SPMAP2L: variants seen among roughly 807,000 people sequenced by gnomAD.
SPMAP2L encodes the protein sperm microtubule associated protein 2 like, also known as sperm microtubule associated protein 2-like.
chr4:56,547,865 G>A, the SPMAP2L span, among the ~76,000 whole-genome samples: 1 of 152,106 alleles, frequency 6.6e-6, no homozygotes, highest in Non-Finnish European at 1.5e-5. Context: ...GCTTATAAAC[G>A]AGATTTTTCA....
the SPMAP2L span, among the ~76,000 whole-genome samples, chr4:56,608,885 G>A: frequency 1.3e-5 from 2 of 152,264 alleles, no homozygotes; most frequent in African/African-American, 2.4e-5. Context: ...GATGGGACAT[G>A]GAGTCAAAGA....
chr4:56,593,502 T>C, the SPMAP2L span: 1 of 1,600,576 alleles, frequency 6.2e-7, no homozygotes. Flanking sequence ...TGGAGAGAGC[T>C]CATCAGAGTG....
the SPMAP2L span, among the ~76,000 whole-genome samples, chr4:56,596,968 G>C: frequency 6.6e-6 from 1 of 152,192 alleles, no homozygotes; most frequent in Non-Finnish European, 1.5e-5. Flanking sequence ...TGAACAACTT[G>C]GAGCTCTATG....
the SPMAP2L span, among the ~76,000 whole-genome samples, chr4:56,610,846 G>T: frequency 6.6e-6 from 1 of 152,154 alleles, no homozygotes; most frequent in East Asian, 1.9e-4. Context: ...TGAAAAAAAT[G>T]CTCGACATCA....
At chr4:56,615,901 C>A in the SPMAP2L span, among the ~76,000 whole-genome samples, 1 of 152,098 alleles carries the variant, frequency 6.6e-6, no homozygotes, top group East Asian at 1.9e-4. Flanking sequence ...CCTAATGTGC[C>A]GCCAAGAACC....
chr4:56,542,843 C>T, the SPMAP2L span, among the ~76,000 whole-genome samples: 1 of 152,074 alleles, frequency 6.6e-6, no homozygotes, highest in African/African-American at 2.4e-5. Flanking sequence ...CACCTTTCAC[C>T]AGATGGTTTC....
the SPMAP2L span, among the ~76,000 whole-genome samples, chr4:56,553,510 T>A: frequency 2.7e-5 from 4 of 149,050 alleles, no homozygotes; most frequent in East Asian, 2.0e-4. Flanking sequence ...TTTTTTTTTT[T>A]AAACAAAATT....
chr4:56,600,978 A>G, the SPMAP2L span: 4 of 1,535,306 alleles, frequency 2.6e-6, no homozygotes, highest in Non-Finnish European at 3.5e-6. Context: ...CCCGAACAAT[A>G]GCTCTAGCGA....
the SPMAP2L span, chr4:56,575,738 T>C: frequency 2.5e-6 from 3 of 1,206,900 alleles, no homozygotes; most frequent in East Asian, 7.7e-5. Flanking sequence ...TTTCATGAGC[T>C]AAGAGTCCAC....
the SPMAP2L span, among the ~76,000 whole-genome samples, chr4:56,624,664 T>C: frequency 6.6e-6 from 1 of 151,702 alleles, no homozygotes; most frequent in Non-Finnish European, 1.5e-5. Flanking sequence ...CTTCAGAGGG[T>C]GGAAGCTTCA....
At chr4:56,620,668 A>C in the SPMAP2L span, among the ~76,000 whole-genome samples, 1 of 152,208 alleles carries the variant, frequency 6.6e-6, no homozygotes, top group Non-Finnish European at 1.5e-5. Flanking sequence ...TACAGGCGTG[A>C]GCCACCGCGC....
the SPMAP2L span, chr4:56,531,034 C>T: frequency 6.5e-7 from 1 of 1,535,528 alleles, no homozygotes; most frequent in Non-Finnish European, 8.7e-7. Flanking sequence ...TGAACCCCGC[C>T]AGCTCCGCCA....
At chr4:56,588,038 G>A in the SPMAP2L span, among the ~76,000 whole-genome samples, 8 of 152,186 alleles carry the variant, frequency 5.3e-5, no homozygotes, top group African/African-American at 1.9e-4. Flanking sequence ...GTATTGCATT[G>A]TAGTTTTGAT....
chr4:56,579,843 A>G, the SPMAP2L span, among the ~76,000 whole-genome samples: 3 of 152,232 alleles, frequency 2.0e-5, no homozygotes, highest in African/African-American at 7.2e-5. Flanking sequence ...CCTAGATGAA[A>G]TGGACAAATT....
At chr4:56,582,103 A>C in the SPMAP2L span, among the ~76,000 whole-genome samples, 2 of 152,164 alleles carry the variant, frequency 1.3e-5, no homozygotes, top group Admixed American at 1.3e-4. Flanking sequence ...TGATCTTGAG[A>C]TAGGCAATGG....
the SPMAP2L span, among the ~76,000 whole-genome samples, chr4:56,553,373 G>T: frequency 6.6e-6 from 1 of 151,160 alleles, no homozygotes; most frequent in East Asian, 1.9e-4. Flanking sequence ...AAATTTTTTT[G>T]TGGAGACGGG....
the SPMAP2L span, chr4:56,592,903 G>A: frequency 6.2e-7 from 1 of 1,608,572 alleles, no homozygotes; most frequent in Non-Finnish European, 8.5e-7. Flanking sequence ...TGCAGATCTT[G>A]GGGCTGGCGA....
the SPMAP2L span, chr4:56,531,097 A>C: frequency 2.0e-6 from 3 of 1,535,122 alleles, no homozygotes; most frequent in African/African-American, 4.1e-5. Flanking sequence ...GTTGCTTCCC[A>C]GCGCCGCAGT....
the SPMAP2L span, chr4:56,584,429 AAT>A: frequency 2.1e-6 from 2 of 975,368 alleles, no homozygotes; most frequent in Non-Finnish European, 3.1e-6. Flanking sequence ...TGATTGTAGT[AAT>A]GGAAAATCCA....
Sources: allele counts gnomAD v4.1 joint callset (sites outside exome capture counted in the v4.1 genomes callset), GRCh38; gene constraint gnomAD v4.1.1; transcripts MANE v1.5; gene names NCBI Gene and HGNC (gene_info 2026-07-23, HGNC 2026-07-21).